The following GALNT13 variants were observed in gnomAD, a reference collection of about 807,000 sequenced individuals.
The protein encoded by GALNT13 is UDP-GalNAc:polypeptide N-acetylgalactosaminyltransferase 13.
A neutral mutation model predicts 64.2 loss-of-function variants in GALNT13; 28 were observed. The observed-to-expected ratio is 0.44, with a 90% CI of 0.32 to 0.60. GALNT13 has a LOEUF of 0.60. Among genes scored for constraint, GALNT13 ranks in the 20% least tolerant of loss-of-function variants. The probability of loss-of-function intolerance (pLI) is 0.05; values close to 1 mark genes in which losing one functional copy is unlikely to be tolerated. For missense variants in GALNT13, 577 were observed against 669.8 expected (o/e 0.86, Z 1.53); for synonymous variants, 214 against 224.6 (o/e 0.95, Z 0.42).
chr2:153,240,880 G>T, the GALNT13 span, among the ~76,000 whole-genome samples: 1 of 152,066 alleles, frequency 6.6e-6, no homozygotes, highest in African/African-American at 2.4e-5. Flanking sequence ...TAGCCCCATG[G>T]TGGGGTGTCT....
the GALNT13 span, among the ~76,000 whole-genome samples, chr2:153,341,717 A>C: frequency 3.0e-4 from 46 of 152,344 alleles, no homozygotes; most frequent in African/African-American, 1.1e-3. Flanking sequence ...GTTAGAAAAC[A>C]AATCTCTTGC....
At chr2:153,524,141 A>G in the GALNT13 span, among the ~76,000 whole-genome samples, 1 of 152,146 alleles carries the variant, frequency 6.6e-6, no homozygotes, top group Non-Finnish European at 1.5e-5. Flanking sequence ...TCACCTTTGC[A>G]TATCTGGCAT....
the GALNT13 span, among the ~76,000 whole-genome samples, chr2:153,649,801 C>A: frequency 6.6e-6 from 1 of 152,216 alleles, no homozygotes; most frequent in South Asian, 2.1e-4. Context: ...ATTCTGAGTT[C>A]TAGTTTGATT....
At chr2:154,015,199 C>G (rs1394325813) in intron 3 of GALNT13, among the ~76,000 whole-genome samples, 2 of 152,080 alleles carry the variant, frequency 1.3e-5, no homozygotes, top group African/African-American at 4.8e-5. Context: ...CATTCTTATT[C>G]TACTTTGTTT....
At chr2:154,036,380 CA>C (rs1284035407) in intron 3 of GALNT13, among the ~76,000 whole-genome samples, 1 of 152,012 alleles carries the variant, frequency 6.6e-6, no homozygotes, top group African/African-American at 2.4e-5. Context: ...TTAACTTATG[CA>C]AAATTTATAG....
chr2:153,198,096 G>A, the GALNT13 span, among the ~76,000 whole-genome samples: 2 of 152,128 alleles, frequency 1.3e-5, no homozygotes, highest in Non-Finnish European at 2.9e-5. Context: ...AGGATATGAG[G>A]GCTCTTAGTG....
chr2:154,402,029 G>A, intron 10 of GALNT13, among the ~76,000 whole-genome samples: 1 of 152,064 alleles, frequency 6.6e-6, no homozygotes, highest in Non-Finnish European at 1.5e-5. Flanking sequence ...TTAAGCTCTG[G>A]AATTCACTGC....
chr2:154,388,571 A>G (rs1231633139), intron 9 of GALNT13, among the ~76,000 whole-genome samples: 1 of 152,150 alleles, frequency 6.6e-6, no homozygotes, highest in Non-Finnish European at 1.5e-5. Flanking sequence ...ATTTGGTATA[A>G]GATAAGAATA....
At chr2:153,438,036 C>T in the GALNT13 span, among the ~76,000 whole-genome samples, 1 of 152,182 alleles carries the variant, frequency 6.6e-6, no homozygotes, top group Non-Finnish European at 1.5e-5. Context: ...GACAAAATCT[C>T]TCAGCATTTG....
At chr2:153,090,942 G>A in the GALNT13 span, among the ~76,000 whole-genome samples, 3 of 151,566 alleles carry the variant, frequency 2.0e-5, no homozygotes, top group Non-Finnish European at 1.5e-5. Context: ...TACGCAGTTG[G>A]TGAGGCCAGT....
At chr2:153,977,789 A>G (rs1414819318) in intron 3 of GALNT13, among the ~76,000 whole-genome samples, 1 of 152,158 alleles carries the variant, frequency 6.6e-6, no homozygotes. Flanking sequence ...TGACCATTCA[A>G]ATTTTAAAAT....
At chr2:153,989,417 C>A (rs1389364397) in intron 3 of GALNT13, among the ~76,000 whole-genome samples, 1 of 151,796 alleles carries the variant, frequency 6.6e-6, no homozygotes, top group Non-Finnish European at 1.5e-5. Flanking sequence ...CTTTAAGGCA[C>A]CAATCATGAT....
chr2:153,595,449 TA>T, the GALNT13 span, among the ~76,000 whole-genome samples: 5 of 152,024 alleles, frequency 3.3e-5, no homozygotes, highest in African/African-American at 9.6e-5. Flanking sequence ...TTATGTTATA[TA>T]AAAAACTCAG....
chr2:154,007,700 A>G (rs759774351), intron 3 of GALNT13, among the ~76,000 whole-genome samples: 19 of 151,966 alleles, frequency 1.3e-4, no homozygotes, highest in Admixed American at 2.6e-4. Context: ...TGGGAGATAG[A>G]GAAGGGAATG....
intron 4 of GALNT13, among the ~76,000 whole-genome samples, chr2:154,146,250 G>GT (rs1249109690): frequency 1.3e-5 from 2 of 151,678 alleles, no homozygotes; most frequent in South Asian, 2.1e-4. Flanking sequence ...TAATAACACT[G>GT]TTACACTGTA....
chr2:153,992,871 A>G (rs1695252307), intron 3 of GALNT13, among the ~76,000 whole-genome samples: 2 of 152,192 alleles, frequency 1.3e-5, no homozygotes, highest in Admixed American at 1.3e-4. Flanking sequence ...AATTATTTTT[A>G]TTGATGCTTA....
At chr2:154,135,333 A>G (rs1237523462) in intron 3 of GALNT13, among the ~76,000 whole-genome samples, 2 of 152,136 alleles carry the variant, frequency 1.3e-5, no homozygotes, top group Admixed American at 1.3e-4. Flanking sequence ...GCTGATGTAA[A>G]ATGCTACCTT....
chr2:154,235,253 G>A (rs1245669483), intron 4 of GALNT13, among the ~76,000 whole-genome samples: 1 of 152,156 alleles, frequency 6.6e-6, no homozygotes, highest in Non-Finnish European at 1.5e-5. Context: ...GATGTTTGGA[G>A]CAGATGAATA....
rs1469207319 is a variant in GALNT13, at chr2:154,312,553, T to C, written c.1156+10964T>C. ...TTGTCAAGGATTTTCTCTGAGGTTATTACATGTGTGTGGTAATTTGATCGA... is the reference window on the plus strand; with the variant it reads ...TTGTCAAGGATTTTCTCTGAGGTTACTACATGTGTGTGGTAATTTGATCGA... On this transcript the variant is annotated intron_variant, in intron 9 of 12. Coordinates refer to ENST00000392825, the MANE Select transcript of GALNT13 (RefSeq NM_052917.4). Among the ~76,000 whole-genome samples, 3 of 152,236 alleles carry C rather than the reference T, an allele frequency of 2.0e-5. No homozygotes were observed. The East Asian group carries it at 5.8e-4, about 29-fold the overall frequency.
Sources: allele counts gnomAD v4.1 joint callset (sites outside exome capture counted in the v4.1 genomes callset), GRCh38; gene constraint gnomAD v4.1.1; transcripts MANE v1.5; gene names NCBI Gene and HGNC (gene_info 2026-07-23, HGNC 2026-07-21).